CAST: variants seen among roughly 807,000 people sequenced by gnomAD.
CAST encodes the protein MIR583 host.
A neutral mutation model predicts 119.6 loss-of-function variants in CAST; 76 were observed. The ratio of observed to expected loss-of-function variants is 0.64; its 90% CI spans 0.53 to 0.77. The LOEUF (loss-of-function observed/expected upper bound fraction) is 0.77. Ranked by LOEUF, CAST falls within the 30% of genes least tolerant of loss-of-function variation. CAST has a pLI of 0.00. For missense variants in CAST, 953 were observed against 946.5 expected (o/e 1.01, Z -0.09); for synonymous variants, 319 against 331.6 (o/e 0.96, Z 0.41).
At chr5:96,214,544 C>T in the CAST span, among the ~76,000 whole-genome samples, 15 of 152,044 alleles carry the variant, frequency 9.9e-5, no homozygotes, top group African/African-American at 2.7e-4. Flanking sequence ...AAAGACTGGG[C>T]GATTCATCTA....
At chr5:96,133,305 A>C in the CAST span, among the ~76,000 whole-genome samples, 1 of 148,688 alleles carries the variant, frequency 6.7e-6, no homozygotes, top group Non-Finnish European at 1.5e-5. Flanking sequence ...AAAAAAAAAA[A>C]CACACACACA....
the CAST span, among the ~76,000 whole-genome samples, chr5:96,421,706 T>C: frequency 6.6e-6 from 1 of 152,126 alleles, no homozygotes; most frequent in Admixed American, 6.5e-5. Context: ...AAAGGGAATA[T>C]AAAAATAGAA....
chr5:96,097,004 T>C, the CAST span, among the ~76,000 whole-genome samples: 1 of 152,174 alleles, frequency 6.6e-6, no homozygotes, highest in Non-Finnish European at 1.5e-5. Flanking sequence ...AAAATATAAT[T>C]TCCTTTGCAC....
intron 1 of CAST, among the ~76,000 whole-genome samples, chr5:96,587,475 T>TA (rs1746881066): frequency 6.6e-6 from 1 of 152,204 alleles, no homozygotes; most frequent in South Asian, 2.1e-4. Flanking sequence ...AGTTGCTACT[T>TA]ACGTTAAGTA....
At chr5:96,234,574 T>C in the CAST span, among the ~76,000 whole-genome samples, 1 of 152,206 alleles carries the variant, frequency 6.6e-6, no homozygotes, top group Non-Finnish European at 1.5e-5. Context: ...CCGAGTTTCC[T>C]TCTAGCTTTC....
the CAST span, among the ~76,000 whole-genome samples, chr5:95,981,113 C>A: frequency 6.6e-6 from 1 of 152,196 alleles, no homozygotes; most frequent in African/African-American, 2.4e-5. Context: ...GAGAACCCCA[C>A]CCCAGCAAAG....
chr5:96,271,509 TC>T, the CAST span, among the ~76,000 whole-genome samples: 1 of 152,080 alleles, frequency 6.6e-6, no homozygotes, highest in African/African-American at 2.4e-5. Context: ...AAAAGGACAG[TC>T]TTCTCAATAA....
chr5:96,218,044 C>A, the CAST span, among the ~76,000 whole-genome samples: 1 of 152,076 alleles, frequency 6.6e-6, no homozygotes, highest in Non-Finnish European at 1.5e-5. Flanking sequence ...TGGGGGGTGG[C>A]CTCTGAGTAG....
chr5:96,323,356 A>G, the CAST span, among the ~76,000 whole-genome samples: 4 of 152,166 alleles, frequency 2.6e-5, no homozygotes, highest in Non-Finnish European at 4.4e-5. Flanking sequence ...TCCAGAGAAC[A>G]TTGTCACTGA....
intron 1 of CAST, among the ~76,000 whole-genome samples, chr5:96,645,499 A>G (rs7735525): frequency 0.066 from 10,085 of 152,222 alleles, 883 homozygotes; most frequent in African/African-American, 0.2. Context: ...CAAACATAAT[A>G]TTCATTTGCA....
chr5:96,577,445 T>C (rs752980632), intron 1 of CAST, among the ~76,000 whole-genome samples: 8 of 152,096 alleles, frequency 5.3e-5, no homozygotes, highest in African/African-American at 9.7e-5. Flanking sequence ...TTTCTCTTAC[T>C]TTTCTAGTTT....
intron 1 of CAST, among the ~76,000 whole-genome samples, chr5:96,617,836 T>C (rs1450381780): frequency 8.2e-6 from 1 of 122,372 alleles, no homozygotes; most frequent in Non-Finnish European, 1.6e-5. Context: ...AAAACACTCT[T>C]AGGAGAAAGG....
chr5:96,458,825 C>T, the CAST span, among the ~76,000 whole-genome samples: 2 of 152,130 alleles, frequency 1.3e-5, no homozygotes, highest in African/African-American at 4.8e-5. Flanking sequence ...GGTTCCCCAA[C>T]TTTCGCACAT....
At chr5:96,566,363 G>A (rs1335193952) in intron 1 of CAST, among the ~76,000 whole-genome samples, 1 of 152,146 alleles carries the variant, frequency 6.6e-6, no homozygotes, top group African/African-American at 2.4e-5. Flanking sequence ...AAACAGATGG[G>A]TCCCAAAAGC....
the CAST span, chr5:96,390,545 A>G: frequency 6.6e-6 from 1 of 152,634 alleles, no homozygotes; most frequent in Non-Finnish European, 1.5e-5. Context: ...CAACACATAC[A>G]TGTACTTTTT....
At chr5:96,762,022 T>G (rs1768135807) in intron 24 of CAST, 2 of 300,212 alleles carry the variant, frequency 6.7e-6, no homozygotes, top group Non-Finnish European at 1.2e-5. Flanking sequence ...ACCGTGGAAC[T>G]CTAAGTTATA....
the CAST span, among the ~76,000 whole-genome samples, chr5:95,968,771 A>G: frequency 6.6e-6 from 1 of 152,188 alleles, no homozygotes; most frequent in African/African-American, 2.4e-5. Flanking sequence ...TATGGCCTCC[A>G]ATATTGGGAA....
intron 5 of CAST, 152 bp from the exon 6 acceptor site, chr5:96,727,337 T>C (rs1759440206): frequency 3.9e-6 from 2 of 514,162 alleles, no homozygotes; most frequent in Non-Finnish European, 3.4e-6. Context: ...TCAAGCAAAG[T>C]GTAACAAACT....
the CAST span, among the ~76,000 whole-genome samples, chr5:96,400,660 G>C: frequency 1.9e-4 from 29 of 152,286 alleles, no homozygotes; most frequent in South Asian, 6.0e-3. Flanking sequence ...CTGGCTACCT[G>C]CTGTAAACAT....
Sources: gnomAD v4.1 joint callset for allele counts (sites outside exome capture counted in the v4.1 genomes callset) on GRCh38, gnomAD v4.1.1 for gene constraint, MANE v1.5 for transcripts, NCBI Gene and HGNC (gene_info 2026-07-23, HGNC 2026-07-21) for gene names.